The following CD2AP variants were observed in gnomAD, a reference collection of about 807,000 sequenced individuals.
CD2AP encodes CD2 associated protein.
Under a neutral mutation model 85.1 loss-of-function variants are expected in CD2AP, and 46 were observed. The ratio of observed to expected loss-of-function variants is 0.54; its 90% CI spans 0.43 to 0.69. CD2AP has a LOEUF of 0.69. Ranked by LOEUF, CD2AP falls within the 30% of genes least tolerant of loss-of-function variation. The probability of loss-of-function intolerance (pLI) is 0.00; values close to 1 mark genes in which losing one functional copy is unlikely to be tolerated. For synonymous variants in CD2AP, 255 were observed against 252.9 expected (o/e 1.01, Z -0.08); for missense variants, 769 against 729.5 (o/e 1.05, Z -0.62).
intron 17 of CD2AP, among the ~76,000 whole-genome samples, chr6:47,622,980 T>G (rs967634786): frequency 2.6e-5 from 4 of 152,200 alleles, no homozygotes; most frequent in Non-Finnish European, 5.9e-5. Flanking sequence ...ACCAATTTGT[T>G]TTTCTTACCG....
intron 2 of CD2AP, among the ~76,000 whole-genome samples, chr6:47,532,496 A>G (rs1191256786): frequency 6.6e-6 from 1 of 152,058 alleles, no homozygotes; most frequent in East Asian, 1.9e-4. Context: ...TTCATTCCCT[A>G]TTAAATATGG....
chr6:47,572,268 G>A (rs529597499), intron 5 of CD2AP, among the ~76,000 whole-genome samples: 3 of 152,290 alleles, frequency 2.0e-5, no homozygotes, highest in East Asian at 1.9e-4. Flanking sequence ...GCCTGCGCCC[G>A]GATCCACTGC....
At chr6:47,493,233 CCTTTAACATGT>C (rs1765777760) in intron 1 of CD2AP, among the ~76,000 whole-genome samples, 1 of 151,910 alleles carries the variant, frequency 6.6e-6, no homozygotes, top group Non-Finnish European at 1.5e-5. Context: ...TGAAGAACTT[CCTTTAACATGT>C]CTTTTGTGTT....
intron 11 of CD2AP, among the ~76,000 whole-genome samples, chr6:47,589,314 C>T (rs1224836270): frequency 3.4e-5 from 5 of 147,254 alleles, no homozygotes; most frequent in African/African-American, 5.0e-5. Flanking sequence ...CGTAAGAATG[C>T]GAAGAGAGCT....
chr6:47,541,173 G>T (rs1459930595), intron 3 of CD2AP, among the ~76,000 whole-genome samples: 1 of 151,966 alleles, frequency 6.6e-6, no homozygotes, highest in Non-Finnish European at 1.5e-5. Flanking sequence ...GCCCAGGCTG[G>T]AGTGCAGTGG....
intron 2 of CD2AP, among the ~76,000 whole-genome samples, chr6:47,503,847 A>G (rs1343610785): frequency 6.6e-6 from 1 of 152,232 alleles, no homozygotes; most frequent in East Asian, 1.9e-4. Context: ...ATTTAGATTG[A>G]GAGGTTAAGT....
chr6:47,527,106 T>TC (rs11439961), intron 2 of CD2AP, among the ~76,000 whole-genome samples: 56,423 of 141,556 alleles, frequency 0.4, 11,093 homozygotes, highest in East Asian at 0.72. Context: ...AATAAAAGAC[T>TC]CCCCCCCGAT....
At chr6:47,606,483 A>G (rs1769276004) in intron 14 of CD2AP, among the ~76,000 whole-genome samples, 1 of 152,066 alleles carries the variant, frequency 6.6e-6, no homozygotes, top group Non-Finnish European at 1.5e-5. Flanking sequence ...ACAGAATCAG[A>G]AGGAAATTAT....
intron 13 of CD2AP, among the ~76,000 whole-genome samples, chr6:47,605,609 C>T (rs1287891141): frequency 1.3e-5 from 2 of 151,862 alleles, no homozygotes; most frequent in Admixed American, 1.3e-4. Context: ...TTGAGTCCCA[C>T]CTAATACTGT....
chr6:47,610,971 A>ATATATTTT, intron 16 of CD2AP, among the ~76,000 whole-genome samples: 4 of 112,908 alleles, frequency 3.5e-5, no homozygotes, highest in Non-Finnish European at 5.4e-5. Flanking sequence ...ATATATATGT[A>ATATATTTT]TTTTTTTTTT....
intron 3 of CD2AP, among the ~76,000 whole-genome samples, chr6:47,540,141 C>CA (rs1767169023): frequency 7.1e-6 from 1 of 140,140 alleles, no homozygotes; most frequent in African/African-American, 2.7e-5. Flanking sequence ...AGAGTTCTTA[C>CA]TACTGCCTGG....
At chr6:47,571,179 A>G (rs1768141440) in intron 5 of CD2AP, among the ~76,000 whole-genome samples, 1 of 152,160 alleles carries the variant, frequency 6.6e-6, no homozygotes, top group Admixed American at 6.5e-5. Context: ...CTAATATACT[A>G]ATCTGTATCA....
intron 2 of CD2AP, among the ~76,000 whole-genome samples, chr6:47,514,381 C>G (rs1388387651): frequency 6.6e-6 from 1 of 152,082 alleles, no homozygotes; most frequent in Non-Finnish European, 1.5e-5. Flanking sequence ...AGAAACCAGG[C>G]TAACTTAGCA....
chr6:47,621,410 A>G (rs1316111009), intron 17 of CD2AP, among the ~76,000 whole-genome samples: 15 of 152,122 alleles, frequency 9.9e-5, no homozygotes, highest in Admixed American at 6.5e-4. Flanking sequence ...ATCATGGTGG[A>G]TTATCTTTTT....
At chr6:47,569,364 A>G (rs1044322608) in intron 5 of CD2AP, among the ~76,000 whole-genome samples, 1 of 152,094 alleles carries the variant, frequency 6.6e-6, no homozygotes, top group African/African-American at 2.4e-5. Context: ...CAGAGTTAGT[A>G]GGCTTAATGG....
chr6:47,520,136 C>T (rs933042880), intron 2 of CD2AP, among the ~76,000 whole-genome samples: 1 of 150,486 alleles, frequency 6.6e-6, no homozygotes, highest in African/African-American at 2.4e-5. Flanking sequence ...AAAGGTAGTT[C>T]ATTTTAGGTG....
intron 2 of CD2AP, among the ~76,000 whole-genome samples, chr6:47,519,380 A>G (rs557687127): frequency 1.1e-4 from 17 of 152,282 alleles, no homozygotes; most frequent in African/African-American, 3.6e-4. Context: ...TTGGGTTTCT[A>G]GCTACTCTAC....
intron 11 of CD2AP, among the ~76,000 whole-genome samples, chr6:47,591,056 A>G (rs1768779489): frequency 6.6e-6 from 1 of 152,242 alleles, no homozygotes. Flanking sequence ...TGGAAACAGC[A>G]CAAATGTTCA....
chr6:47,574,634 T>C (rs1326412952), intron 6 of CD2AP, among the ~76,000 whole-genome samples: 1 of 150,430 alleles, frequency 6.6e-6, no homozygotes, highest in African/African-American at 2.4e-5. Flanking sequence ...TAAAATGGAC[T>C]GTTTTTAAAA....
Sources: gnomAD v4.1 joint callset for allele counts (sites outside exome capture counted in the v4.1 genomes callset) on GRCh38, gnomAD v4.1.1 for gene constraint, MANE v1.5 for transcripts, NCBI Gene and HGNC (gene_info 2026-07-23, HGNC 2026-07-21) for gene names.